GRIK1: variants seen among roughly 807,000 people sequenced by gnomAD.
GRIK1 encodes the protein glutamate ionotropic receptor kainate type subunit 1.
In GRIK1, 69 loss-of-function variants were observed where a neutral mutation model predicts 105.7. The ratio of observed to expected loss-of-function variants is 0.65; its 90% CI spans 0.54 to 0.80. GRIK1 has a LOEUF of 0.80. GRIK1 is among the 30% of genes least tolerant of loss of function. The pLI, the probability that GRIK1 is intolerant of heterozygous loss-of-function variation, is 0.00. For synonymous variants in GRIK1, 438 were observed against 431.3 expected, an observed-to-expected ratio of 1.02 and a Z score of -0.19; for missense variants, 1,109 against 1,167.3, an observed-to-expected ratio of 0.95 and a Z score of 0.73.
At chr21:29,613,155 C>A (rs2061767526) in intron 7 of GRIK1, among the ~76,000 whole-genome samples, 2 of 152,140 alleles carry the variant, frequency 1.3e-5, no homozygotes, top group Non-Finnish European at 2.9e-5. Context: ...CGAGTGGAAG[C>A]CTAACAAAAA....
At position 29,559,260 on chromosome 21, in the gene GRIK1, T is replaced by C. The variant is rs79001931; in HGVS notation, c.2356+2364A>G. Among the ~76,000 whole-genome samples, 14 of 152,242 alleles carry C rather than the reference T, an allele frequency of 9.2e-5. No homozygotes were observed. The East Asian group carries it at 2.7e-3, about 29-fold the overall frequency. On this transcript the variant is annotated intron_variant, in intron 15 of 17. Transcript: ENST00000327783. ...AACTAAAATCAGCAGTGATGAGATA[T>C]AAAAAATAGCATCTAACTTCTCCCA...
intron 1 of GRIK1, among the ~76,000 whole-genome samples, chr21:29,769,880 C>A (rs1367003684): frequency 6.6e-6 from 1 of 152,152 alleles, no homozygotes; most frequent in East Asian, 1.9e-4. Context: ...GTTTTCTAAG[C>A]CACCCAGGTT....
chr21:29,850,701 A>T (rs1306649930), intron 1 of GRIK1, among the ~76,000 whole-genome samples: 1 of 152,212 alleles, frequency 6.6e-6, no homozygotes, highest in Non-Finnish European at 1.5e-5. Context: ...AGGCACATAA[A>T]TTCTCTTTAT....
At chr21:29,856,100 A>T (rs1381065870) in intron 1 of GRIK1, among the ~76,000 whole-genome samples, 1 of 152,116 alleles carries the variant, frequency 6.6e-6, no homozygotes, top group Non-Finnish European at 1.5e-5. Flanking sequence ...GGGTACAAGT[A>T]GTGTTGGAGC....
chr21:29,895,211 A>C (rs1410486841), intron 1 of GRIK1, among the ~76,000 whole-genome samples: 1 of 152,160 alleles, frequency 6.6e-6, no homozygotes, highest in African/African-American at 2.4e-5. Flanking sequence ...TCAGTGGATG[A>C]TGGTAACATT....
chr21:29,712,456 C>T (rs1479932884), intron 1 of GRIK1, among the ~76,000 whole-genome samples: 2 of 151,910 alleles, frequency 1.3e-5, no homozygotes, highest in African/African-American at 4.8e-5. Flanking sequence ...ATGCGTATCA[C>T]CTAATTGTCT....
rs533378813 is a variant in GRIK1 at position 29,904,073 on chromosome 21, A to G, written c.118+35310T>C. Among the ~76,000 whole-genome samples the G allele has an allele frequency of 4.6e-5, 7 of 152,248 alleles. No homozygotes were observed. In the East Asian group the frequency reaches 1.4e-3, roughly 29 times the overall value. ...CTCACTCATAAGTGGGAGTTGAACA[A>G]TGAGAACACATGGACACAGGGAGGG... On this transcript the variant is annotated intron_variant, in intron 1 of 17. Coordinates refer to ENST00000327783, the MANE Select transcript of GRIK1 (RefSeq NM_001330994.2).
At chr21:29,898,589 G>T (rs778632885) in intron 1 of GRIK1, among the ~76,000 whole-genome samples, 5 of 152,116 alleles carry the variant, frequency 3.3e-5, no homozygotes, top group Non-Finnish European at 5.9e-5. Flanking sequence ...AGTATGTTTG[G>T]TTTCGTACCT....
rs187843095 is a variant in GRIK1 at position 29,697,334 on chromosome 21, C to A, written c.119-3271G>T. 1.4e-3 allele frequency among the ~76,000 whole-genome samples: 211 copies of A among 152,312 alleles called. 2 individuals carry two copies. The highest frequency in any genetic ancestry group is 0.014 in the Middle Eastern group (4 of 294). ...GAGTTGGCACCAACTGGTGAACTGACTACTTGCCTCAAAATTATTCTTTTG... is the reference window on the plus strand; with the variant it reads ...GAGTTGGCACCAACTGGTGAACTGAATACTTGCCTCAAAATTATTCTTTTG... On this transcript the variant is annotated intron_variant, in intron 1 of 17. Transcript: ENST00000327783.
chr21:29,781,974 C>T (rs921428521), intron 1 of GRIK1, among the ~76,000 whole-genome samples: 1 of 151,856 alleles, frequency 6.6e-6, no homozygotes, highest in Non-Finnish European at 1.5e-5. Context: ...CCGGCCTAAC[C>T]TACTGTTTCT....
At chr21:29,714,146 G>A (rs963027118) in intron 1 of GRIK1, among the ~76,000 whole-genome samples, 25 of 151,908 alleles carry the variant, frequency 1.6e-4, no homozygotes, top group Admixed American at 6.6e-5. Flanking sequence ...CATAATATAT[G>A]TTTAGAGTAT....
chr21:29,919,826 G>A (rs1050536083), intron 1 of GRIK1, among the ~76,000 whole-genome samples: 13 of 152,142 alleles, frequency 8.5e-5, no homozygotes, highest in Non-Finnish European at 4.4e-5. Flanking sequence ...AGGGGCCAAC[G>A]TGCTTCAGGA....
At chr21:29,841,692 A>G (rs1363926257) in intron 1 of GRIK1, among the ~76,000 whole-genome samples, 1 of 152,180 alleles carries the variant, frequency 6.6e-6, no homozygotes, top group Non-Finnish European at 1.5e-5. Flanking sequence ...GCCACTGTCT[A>G]TTGGAGAATC....
intron 1 of GRIK1, among the ~76,000 whole-genome samples, chr21:29,829,811 A>G (rs1405931368): frequency 2.0e-5 from 3 of 152,184 alleles, no homozygotes; most frequent in East Asian, 3.8e-4. Flanking sequence ...TGATTCACAC[A>G]TCACATCCAG....
intron 1 of GRIK1, among the ~76,000 whole-genome samples, chr21:29,827,614 C>T (rs750841445): frequency 5.9e-5 from 9 of 151,462 alleles, no homozygotes; most frequent in Non-Finnish European, 8.8e-5. Flanking sequence ...TTTAGATCAA[C>T]GTAAAAAGAC....
chr21:29,769,619 A>G (rs1423587043), intron 1 of GRIK1, among the ~76,000 whole-genome samples: 2 of 152,074 alleles, frequency 1.3e-5, no homozygotes, highest in African/African-American at 2.4e-5. Flanking sequence ...TCAGGTGGTA[A>G]TGCTCACTTA....
chr21:29,630,485 T>A, intron 7 of GRIK1: 1 of 471,342 alleles, frequency 2.1e-6, no homozygotes, highest in Admixed American at 2.3e-5. Flanking sequence ...TCAAAATAGT[T>A]CTTTAATAAA....
intron 7 of GRIK1, among the ~76,000 whole-genome samples, chr21:29,634,595 A>G (rs2062356204): frequency 6.7e-6 from 1 of 148,570 alleles, no homozygotes; most frequent in African/African-American, 2.5e-5. Flanking sequence ...AGATAAATTG[A>G]CTTTCTGTCC....
chr21:29,771,908 A>G (rs1036209574), intron 1 of GRIK1, among the ~76,000 whole-genome samples: 2 of 152,172 alleles, frequency 1.3e-5, no homozygotes, highest in Non-Finnish European at 2.9e-5. Flanking sequence ...GTATTCCTCT[A>G]GTTCTACCAA....
Sources: gnomAD v4.1 joint callset for allele counts (sites outside exome capture counted in the v4.1 genomes callset) on GRCh38, gnomAD v4.1.1 for gene constraint, MANE v1.5 for transcripts, NCBI Gene and HGNC (gene_info 2026-07-23, HGNC 2026-07-21) for gene names.